ATRN: variants seen among roughly 807,000 people sequenced by gnomAD.
ATRN encodes the protein attractin-2.
A neutral mutation model predicts 178.7 loss-of-function variants in ATRN; 54 were observed. The ratio of observed to expected loss-of-function variants is 0.30; its 90% CI spans 0.24 to 0.38. ATRN has a LOEUF of 0.38. Among genes scored for constraint, ATRN ranks in the 10% least tolerant of loss-of-function variants. The probability of loss-of-function intolerance (pLI) is 1.00; values close to 1 mark genes in which losing one functional copy is unlikely to be tolerated. For synonymous variants in ATRN, 636 were observed against 663.0 expected, an observed-to-expected ratio of 0.96 and a Z score of 0.63; for missense variants, 1,443 against 1,815.1, an observed-to-expected ratio of 0.79 and a Z score of 3.73.
chr20:3,557,560 G>T (rs917764114), intron 6 of ATRN, among the ~76,000 whole-genome samples: 1 of 152,146 alleles, frequency 6.6e-6, no homozygotes, highest in Admixed American at 6.5e-5. Context: ...AAACCCTCTT[G>T]ACAGTGAAAT....
intron 23 of ATRN, among the ~76,000 whole-genome samples, chr20:3,601,867 TA>T (rs77232797): frequency 0.15 from 17,539 of 117,640 alleles, 1,155 homozygotes; most frequent in Non-Finnish European, 0.17. Flanking sequence ...CCCATCTCTT[TA>T]AAAAAAAAAA....
intron 1 of ATRN, among the ~76,000 whole-genome samples, chr20:3,530,440 CTT>C (rs543359433): frequency 2.9e-5 from 4 of 138,416 alleles, no homozygotes; most frequent in Non-Finnish European, 3.2e-5. Context: ...ATTTTTTTTT[CTT>C]TTTTTTTTTT....
At chr20:3,599,217 C>T (rs2086572684) in intron 22 of ATRN, among the ~76,000 whole-genome samples, 1 of 151,690 alleles carries the variant, frequency 6.6e-6, no homozygotes, top group Admixed American at 6.6e-5. Context: ...TTTTTCTTAA[C>T]GATTTTAGAA....
Position 3,562,442 on chromosome 20 carries a change from T to C in ATRN, c.1614T>C (p.Asp538=). ...TTGCAGATGATCTCTACCGATATGA[T>C]GTGGATACCCAGATGTGGTGGGTAC... The part of the protein sequence containing the change: ...YRLADDLYRY[D]VDTQMWTILK... The change falls in exon 9 of 29, where the codon GAT becomes GAC. Residue 538 remains aspartate (D), a synonymous_variant. Coordinates refer to ENST00000262919, the MANE Select transcript of ATRN (RefSeq NM_139321.3). 1 of 1,614,124 alleles carries C rather than the reference T, an allele frequency of 6.2e-7. No individual in the cohort carries two copies. The highest frequency in any genetic ancestry group is 8.5e-7 in the Non-Finnish European group (1 of 1,179,986).
intron 21 of ATRN, among the ~76,000 whole-genome samples, chr20:3,597,279 G>T (rs188773979): frequency 5.7e-4 from 87 of 152,096 alleles, no homozygotes; most frequent in African/African-American, 2.0e-3. Flanking sequence ...TATTTGATAA[G>T]GAGTTTATAT....
At chr20:3,525,938 A>G (rs1399966732) in intron 1 of ATRN, among the ~76,000 whole-genome samples, 2 of 152,340 alleles carry the variant, frequency 1.3e-5, no homozygotes, top group South Asian at 4.1e-4. Context: ...ACCCACAGCC[A>G]ATATCATACT....
chr20:3,502,915 G>T (rs906946213), intron 1 of ATRN, among the ~76,000 whole-genome samples: 8 of 152,132 alleles, frequency 5.3e-5, no homozygotes, highest in Non-Finnish European at 8.8e-5. Flanking sequence ...GCAGGTAGGT[G>T]GAACTGGCAA....
chr20:3,619,838 C>T (rs965125306), intron 24 of ATRN, among the ~76,000 whole-genome samples: 11 of 152,158 alleles, frequency 7.2e-5, no homozygotes, highest in Non-Finnish European at 1.3e-4. Flanking sequence ...CTGCTGCGCC[C>T]GATTCCCTGG....
intron 15 of ATRN, among the ~76,000 whole-genome samples, chr20:3,581,259 A>G (rs2086279480): frequency 6.6e-6 from 1 of 152,250 alleles, no homozygotes; most frequent in Non-Finnish European, 1.5e-5. Flanking sequence ...CTCAAAAGAA[A>G]GCAAAGGGAG....
intron 1 of ATRN, among the ~76,000 whole-genome samples, chr20:3,488,192 A>G (rs1224813866): frequency 4.6e-5 from 7 of 152,012 alleles, no homozygotes; most frequent in East Asian, 1.9e-4. Context: ...TGCAGATTGC[A>G]TTTACTTCTT....
intron 1 of ATRN, among the ~76,000 whole-genome samples, chr20:3,520,794 G>C (rs2085284052): frequency 6.6e-6 from 1 of 152,162 alleles, no homozygotes. Context: ...AGCGTACCTG[G>C]CCTGCACGCC....
chr20:3,599,695 G>A (rs1466400236), intron 22 of ATRN, among the ~76,000 whole-genome samples: 2 of 152,176 alleles, frequency 1.3e-5, no homozygotes, highest in Admixed American at 6.6e-5. Flanking sequence ...GGCAGACTGC[G>A]GACTGGAGTA....
intron 24 of ATRN, chr20:3,616,092 C>T (rs1032789292): frequency 4.2e-5 from 7 of 167,706 alleles, no homozygotes; most frequent in African/African-American, 1.7e-4. Flanking sequence ...TCGAAAGTCC[C>T]CTGCTTTTCA....
intron 25 of ATRN, chr20:3,629,062 C>G: frequency 1.0e-6 from 1 of 985,330 alleles, no homozygotes; most frequent in Non-Finnish European, 1.2e-6. Context: ...AGCCACTTCT[C>G]TTGCTTTCAC....
In ATRN at chr20:3,632,130, G is replaced by A. The variant is rs1009849703; in HGVS notation, c.3864-2181G>A. Among the ~76,000 whole-genome samples the A allele has an allele frequency of 1.3e-5, 2 of 152,044 alleles. No individual in the cohort carries two copies. The highest frequency in any genetic ancestry group is 1.9e-4 in the East Asian group (1 of 5,194). On this transcript the variant is annotated intron_variant, in intron 25 of 28. Transcript: ENST00000262919. This position sits in a 1 kb window ranked among gnomAD's most constrained non-coding sequence, Gnocchi z 4.2. ...CCAGGACATCTCCCCTGGGCTGTCC[G>A]GTAGATATCTCAGGGTTCTGCATGT...
intron 24 of ATRN, among the ~76,000 whole-genome samples, chr20:3,619,398 T>C (rs1471247531): frequency 6.6e-6 from 1 of 152,124 alleles, no homozygotes; most frequent in Non-Finnish European, 1.5e-5. Context: ...ATGCCAGTTT[T>C]ATCCTTCCGA....
At chr20:3,563,177 T>C in intron 9 of ATRN, 32 bp from the exon 10 acceptor site, 1 of 1,580,790 alleles carries the variant, frequency 6.3e-7, no homozygotes, top group Admixed American at 1.7e-5. Context: ...AAAACTAACC[T>C]TGTATTTATT....
At chr20:3,491,496 T>A (rs2084793315) in intron 1 of ATRN, among the ~76,000 whole-genome samples, 1 of 152,216 alleles carries the variant, frequency 6.6e-6, no homozygotes, top group Admixed American at 6.5e-5. Context: ...GCAGACTTTG[T>A]CTTCTTCTGG....
chr20:3,475,821 T>G (rs185952562), intron 1 of ATRN, among the ~76,000 whole-genome samples: 92 of 152,346 alleles, frequency 6.0e-4, no homozygotes, highest in Non-Finnish European at 9.4e-4. Flanking sequence ...TAAGCACTTA[T>G]CAGACATCTG....
Sources: gnomAD v4.1 joint callset for allele counts (sites outside exome capture counted in the v4.1 genomes callset) on GRCh38, gnomAD v4.1.1 for gene constraint, Gnocchi (gnomAD v3.1) non-coding constraint, MANE v1.5 for transcripts, NCBI Gene and HGNC (gene_info 2026-07-23, HGNC 2026-07-21) for gene names.